SLC35D1: variants seen among roughly 807,000 people sequenced by gnomAD.
SLC35D1 encodes solute carrier family 35 member D1.
SLC35D1 carries 31 observed loss-of-function variants against 46.7 expected under a neutral mutation model. The ratio of observed to expected loss-of-function variants is 0.66; its 90% CI spans 0.50 to 0.90. The LOEUF (loss-of-function observed/expected upper bound fraction) is 0.90. Ranked by LOEUF, SLC35D1 falls within the 40% of genes least tolerant of loss-of-function variation. The pLI, the probability that SLC35D1 is intolerant of heterozygous loss-of-function variation, is 0.00. For synonymous variants in SLC35D1, 195 were observed against 164.6 expected, an observed-to-expected ratio of 1.18 and a Z score of -1.41; for missense variants, 397 against 426.2, an observed-to-expected ratio of 0.93 and a Z score of 0.60.
In SLC35D1 at chr1:67,049,865, A is replaced by G; in HGVS notation, c.465-15T>C. 2 of 1,587,196 alleles carry G rather than the reference A, an allele frequency of 1.3e-6. No homozygotes were observed. Among genetic ancestry groups the G allele is most frequent in the Non-Finnish European group, 1.7e-6 (2 of 1,156,804 alleles). ...AAAAAGTCTTCCTACAAAACAAAAAATTTTAAAATACACACATGACTTTAT... is the reference window on the plus strand; with the variant it reads ...AAAAAGTCTTCCTACAAAACAAAAAGTTTTAAAATACACACATGACTTTAT... On this transcript the variant is annotated splice_polypyrimidine_tract_variant and intron_variant, in intron 5 of 11. Coordinates refer to ENST00000235345, the MANE Select transcript of SLC35D1 (RefSeq NM_015139.3).
intron 11 of SLC35D1, among the ~76,000 whole-genome samples, chr1:67,005,814 A>AT (rs1667436120): frequency 6.6e-6 from 1 of 152,166 alleles, no homozygotes; most frequent in Admixed American, 6.5e-5. Context: ...GTGCCACTGA[A>AT]TACTAGTTAT....
chr1:67,027,881 G>A (rs1243189226), intron 8 of SLC35D1, among the ~76,000 whole-genome samples: 1 of 152,034 alleles, frequency 6.6e-6, no homozygotes, highest in Non-Finnish European at 1.5e-5. Flanking sequence ...ACAGGTGTGA[G>A]CCACCATGCC....
chr1:66,986,007 T>C, the SLC35D1 span: 1 of 990,744 alleles, frequency 1.0e-6, no homozygotes, highest in Non-Finnish European at 1.2e-6. Context: ...AATCCTGTTA[T>C]TTTTATATGC....
At position 67,042,338 on chromosome 1, in the gene SLC35D1, T is replaced by C. The variant is rs774356538; in HGVS notation, c.637-10A>G. ...CATATTTTCCCAGCTCCTAGGACAG[T>C]AAATAATTAGGTGTTTCATCTGCGT... is the stretch of plus-strand genomic sequence containing the variant. On this transcript the variant is annotated splice_polypyrimidine_tract_variant and intron_variant, in intron 7 of 11. Coordinates refer to ENST00000235345, the MANE Select transcript of SLC35D1 (RefSeq NM_015139.3). 2.5e-6 allele frequency: 4 copies of C among 1,612,400 alleles called. No individual in the cohort carries two copies. Among genetic ancestry groups the C allele is most frequent in the Non-Finnish European group, 2.5e-6 (3 of 1,178,436 alleles).
intron 8 of SLC35D1, among the ~76,000 whole-genome samples, chr1:67,040,634 G>A (rs905974877): frequency 8.6e-5 from 13 of 151,960 alleles, no homozygotes; most frequent in South Asian, 6.2e-4. Context: ...CTCTTCCTCC[G>A]CATTCTTCAA....
At chr1:67,031,496 T>C (rs1206006416) in intron 8 of SLC35D1, among the ~76,000 whole-genome samples, 4 of 152,184 alleles carry the variant, frequency 2.6e-5, no homozygotes, top group African/African-American at 7.2e-5. Context: ...ATTATCTAGC[T>C]AGTAAGTACC....
At chr1:67,027,422 A>G (rs1432153512) in intron 8 of SLC35D1, among the ~76,000 whole-genome samples, 1 of 151,830 alleles carries the variant, frequency 6.6e-6, no homozygotes, top group Non-Finnish European at 1.5e-5. Context: ...TTTTGGATTT[A>G]ATTTTCTAGT....
At chr1:66,994,123 T>C in the SLC35D1 span, among the ~76,000 whole-genome samples, 1 of 152,222 alleles carries the variant, frequency 6.6e-6, no homozygotes, top group African/African-American at 2.4e-5. Flanking sequence ...GGGATGGCCA[T>C]GTCCAGCACT....
the SLC35D1 span, chr1:66,985,589 A>G: frequency 1.0e-6 from 1 of 985,342 alleles, no homozygotes; most frequent in Non-Finnish European, 1.2e-6. Context: ...AAAGATTTTT[A>G]CAGTACATAT....
the SLC35D1 span, chr1:66,985,384 T>C: frequency 1.0e-6 from 1 of 984,326 alleles, no homozygotes; most frequent in Non-Finnish European, 1.2e-6. Context: ...CCAAACAGTT[T>C]GAGTATCTTT....
chr1:67,019,389 A>G (rs561188253), intron 10 of SLC35D1, among the ~76,000 whole-genome samples: 1 of 152,336 alleles, frequency 6.6e-6, no homozygotes, highest in African/African-American at 2.4e-5. Flanking sequence ...TTTCTAAAGG[A>G]ATTCACACAA....
intron 10 of SLC35D1, among the ~76,000 whole-genome samples, chr1:67,014,910 C>T (rs887291073): frequency 6.6e-6 from 1 of 151,306 alleles, no homozygotes; most frequent in Non-Finnish European, 1.5e-5. Context: ...CTTGGCCATA[C>T]TAAGGATTAA....
intron 8 of SLC35D1, among the ~76,000 whole-genome samples, chr1:67,032,356 G>A (rs1454583478): frequency 1.3e-5 from 2 of 151,254 alleles, no homozygotes; most frequent in African/African-American, 4.9e-5. Context: ...GTTATTTGAG[G>A]CTATTTTGAT....
the SLC35D1 span, chr1:66,987,996 T>G: frequency 6.6e-6 from 1 of 152,316 alleles, no homozygotes; most frequent in Non-Finnish European, 1.5e-5. Context: ...CATATCACAT[T>G]ATGTTTTGCA....
the SLC35D1 span, among the ~76,000 whole-genome samples, chr1:66,974,867 G>A: frequency 6.6e-6 from 1 of 152,138 alleles, no homozygotes; most frequent in Non-Finnish European, 1.5e-5. Flanking sequence ...GAGGGCTTTT[G>A]TTGAAGATTT....
At chr1:66,986,975 A>C in the SLC35D1 span, 1 of 148,536 alleles carries the variant, frequency 6.7e-6, no homozygotes, top group African/African-American at 2.6e-5. Flanking sequence ...CTTTTTAAAA[A>C]GATGCATTTT....
downstream of SLC35D1, chr1:66,999,341 G>T (rs192887608): frequency 1.1e-4 from 17 of 152,392 alleles, no homozygotes; most frequent in Admixed American, 5.9e-4. Context: ...CTCTGGATTA[G>T]TCTCTGTATG....
chr1:67,051,388 C>A (rs1012184988), intron 4 of SLC35D1, among the ~76,000 whole-genome samples: 2 of 152,210 alleles, frequency 1.3e-5, no homozygotes, highest in Admixed American at 1.3e-4. Flanking sequence ...TAATACCACA[C>A]ACAACCGATA....
intron 11 of SLC35D1, chr1:67,008,470 G>C: frequency 4.7e-6 from 6 of 1,287,612 alleles, no homozygotes; most frequent in African/African-American, 4.6e-5. Flanking sequence ...AGAAAAAAAA[G>C]ACAAAGTTAC....
Sources: gnomAD v4.1 joint callset for allele counts (sites outside exome capture counted in the v4.1 genomes callset) on GRCh38, gnomAD v4.1.1 for gene constraint, MANE v1.5 for transcripts, NCBI Gene and HGNC (gene_info 2026-07-23, HGNC 2026-07-21) for gene names.